Variants in AGO2 observed in about 807,000 individuals in gnomAD.
The protein encoded by AGO2 is protein argonaute-2.
A neutral mutation model predicts 102.3 loss-of-function variants in AGO2; 5 were observed. The observed-to-expected ratio is 0.05, with a 90% CI of 0.03 to 0.10. The LOEUF (loss-of-function observed/expected upper bound fraction) is 0.10, where lower values mean the gene tolerates loss of function less well. AGO2 is among the 10% of genes least tolerant of loss of function. The pLI, the probability that AGO2 is intolerant of heterozygous loss-of-function variation, is 1.00. For missense variants in AGO2, 541 were observed against 1,183.7 expected, an observed-to-expected ratio of 0.46 and a Z score of 7.97; for synonymous variants, 449 against 473.1, an observed-to-expected ratio of 0.95 and a Z score of 0.66.
intron 1 of AGO2, among the ~76,000 whole-genome samples, chr8:140,631,686 C>A (rs1407897353): frequency 6.6e-6 from 1 of 152,166 alleles, no homozygotes; most frequent in Non-Finnish European, 1.5e-5. Flanking sequence ...AAGCACCCAA[C>A]TGGAAACACA....
intron 17 of AGO2, among the ~76,000 whole-genome samples, chr8:140,534,389 C>T (rs911037013): frequency 1.3e-5 from 2 of 152,232 alleles, no homozygotes; most frequent in East Asian, 3.9e-4. Flanking sequence ...ACAGAGGGCA[C>T]ACGCAGGCAG....
At chr8:140,545,763 A>C (rs3864659) in intron 13 of AGO2, among the ~76,000 whole-genome samples, 23,808 of 152,176 alleles carry the variant, frequency 0.16, 2,314 homozygotes, top group African/African-American at 0.28. Flanking sequence ...AACATCTCAA[A>C]GTCTAGATGC....
chr8:140,541,023 C>A (rs747702951), intron 15 of AGO2, 141 bp downstream of exon 15: 7 of 1,023,932 alleles, frequency 6.8e-6, no homozygotes, highest in Non-Finnish European at 9.7e-6. Context: ...CCTGGACCCC[C>A]TTCCATGGTG....
At chr8:140,585,504 T>A (rs936240835) in intron 1 of AGO2, among the ~76,000 whole-genome samples, 193 bp from the exon 2 acceptor site, 4 of 152,204 alleles carry the variant, frequency 2.6e-5, no homozygotes, top group African/African-American at 9.6e-5. Context: ...TAACAACTCA[T>A]TGGTGATCAA....
intron 1 of AGO2, among the ~76,000 whole-genome samples, 175 bp downstream of exon 1, chr8:140,635,310 C>A (rs977247037): frequency 1.1e-3 from 156 of 146,078 alleles, no homozygotes; most frequent in African/African-American, 3.7e-3. Flanking sequence ...GGCTCGGCCC[C>A]GCCGCCGCCG....
chr8:140,531,789 C>T lies in AGO2; in HGVS notation c.*255G>A, dbSNP rs1060832. 0.13 allele frequency: 50,492 copies of T among 377,238 alleles called. 4,272 individuals carry two copies. Among genetic ancestry groups the T allele is most frequent in the African/African-American group, 0.29 (14,021 of 48,760 alleles). 23.4% of individuals were successfully genotyped at this position (377,238 alleles called of 1,614,324 possible). A position where few individuals can be genotyped will look rare whatever the true frequency, so the allele number is the denominator to read the frequency against. On this transcript the variant is annotated 3_prime_UTR_variant, in exon 19 of 19. Transcript: ENST00000220592. Reference sequence around the variant, plus strand: ...GGAGATTTTTAGGACACACGGGACTCTGTTTTAATAAGCAGCTTATAGATT... The same window carrying T: ...GGAGATTTTTAGGACACACGGGACTTTGTTTTAATAAGCAGCTTATAGATT...
intron 1 of AGO2, among the ~76,000 whole-genome samples, chr8:140,615,893 C>A (rs1388372637): frequency 2.0e-5 from 3 of 152,190 alleles, no homozygotes; most frequent in African/African-American, 7.2e-5. Context: ...AACAATGGGA[C>A]CAAATACCTG....
At position 140,551,288 on chromosome 8, in the gene AGO2, C is replaced by T. The variant is rs1014315512; in HGVS notation, c.1403+15G>A. The T allele has an allele frequency of 2.7e-6, 4 of 1,508,060 alleles. No homozygotes were observed. The highest frequency in any genetic ancestry group is 3.6e-6 in the Non-Finnish European group (4 of 1,118,354). 93.4% of individuals were successfully genotyped at this position (1,508,060 alleles called of 1,614,324 possible). ...AGCACCCCCAGGCCGGAGCCTCTGC[C>T]TGTGGGGGGCTTACTTCAGATGGAC... On this transcript the variant is annotated intron_variant, in intron 11 of 18. Coordinates refer to ENST00000220592, the MANE Select transcript of AGO2 (RefSeq NM_012154.5).
chr8:140,558,357 T>A, intron 7 of AGO2, 128 bp downstream of exon 7: 1 of 971,140 alleles, frequency 1.0e-6, no homozygotes, highest in Non-Finnish European at 1.6e-6. Flanking sequence ...GGGACAATTT[T>A]GGGATTGAAA....
chr8:140,553,873 ATTT>A (rs1205674044), intron 10 of AGO2, among the ~76,000 whole-genome samples: 1 of 149,010 alleles, frequency 6.7e-6, no homozygotes, highest in East Asian at 2.0e-4. Context: ...TAATTTTTGT[ATTT>A]TTTAGTAGAG....
Position 140,572,827 on chromosome 8 carries a change from C to A in AGO2, c.321G>T (p.Pro107=), listed in dbSNP as rs201468982. The A allele has an allele frequency of 2.8e-5, 45 of 1,612,424 alleles. No individual in the cohort carries two copies. The highest frequency in any genetic ancestry group is 3.1e-5 in the Non-Finnish European group (36 of 1,179,574). Residue 107 remains proline, a synonymous_variant, in exon 3 of 19, where the codon CCG becomes CCT. Coordinates refer to ENST00000220592, the MANE Select transcript of AGO2 (RefSeq NM_012154.5). ...GCGAGCTTACCTTGTCCCTCCCAAT[C>A]GGAAGGGGCATGGCTGTGTATAGAT... ...RKNLYTAMPL[P]IGRDKVELEV...
rs1304737274 is a variant in AGO2 at position 140,546,298 on chromosome 8, C to G, written c.1748+1170G>C. ...GGACTGTTTCTGGGTGCGTGTAACT[C>G]GGTAGCTCTCAAAACCTGGTCCCCC... On this transcript the variant is annotated intron_variant, in intron 13 of 18. Coordinates refer to ENST00000220592, the MANE Select transcript of AGO2 (RefSeq NM_012154.5). Among the ~76,000 whole-genome samples the G allele has an allele frequency of 2.6e-5, 4 of 152,220 alleles. 1 individual carries two copies. In the South Asian group the frequency reaches 8.3e-4, roughly 31 times the overall value.
At chr8:140,616,885 ACAT>A in intron 1 of AGO2, among the ~76,000 whole-genome samples, 1 of 152,348 alleles carries the variant, frequency 6.6e-6, no homozygotes, top group East Asian at 1.9e-4. Context: ...AAAGAGACAC[ACAT>A]CAGCACTGAC....
At chr8:140,532,281 G>A (rs534707056) in intron 18 of AGO2, 129 bp from the exon 19 acceptor site, 37 of 1,373,774 alleles carry the variant, frequency 2.7e-5, no homozygotes, top group African/African-American at 2.1e-4. Flanking sequence ...GCTGACGGCC[G>A]TGCCATTAAC....
intron 1 of AGO2, among the ~76,000 whole-genome samples, chr8:140,603,817 T>C (rs180971426): frequency 1.6e-3 from 247 of 152,352 alleles, no homozygotes; most frequent in African/African-American, 5.7e-3. Flanking sequence ...CCTGCAACTG[T>C]GCGGCCTCTT....
In AGO2 at chr8:140,557,395, A is replaced by G. The variant is rs1399877685; in HGVS notation, c.879-159T>C. Among the ~76,000 whole-genome samples the G allele has an allele frequency of 6.6e-6, 1 of 152,134 alleles. No homozygotes were observed. Among genetic ancestry groups the G allele is most frequent in the African/African-American group, 2.4e-5 (1 of 41,418 alleles). ...ATGTCATGTGCTTTGGGTTATCTGG[A>G]ATGTTTCTGAGCCCCTAAATTCTCA... On this transcript the variant is annotated intron_variant, in intron 7 of 18. Transcript: ENST00000220592. The surrounding 1 kb of genome is among the most constrained non-coding windows in gnomAD (Gnocchi z 5.9).
At chr8:140,553,397 G>GTTT (rs1247887588) in intron 10 of AGO2, among the ~76,000 whole-genome samples, 4 of 129,682 alleles carry the variant, frequency 3.1e-5, no homozygotes, top group South Asian at 2.4e-4. Context: ...CAAGTTACAA[G>GTTT]TTTTTTGTTT....
At chr8:140,532,308 C>T (rs148667039) in intron 18 of AGO2, 108 bp downstream of exon 18, 93 of 1,434,544 alleles carry the variant, frequency 6.5e-5, no homozygotes, top group Middle Eastern at 2.5e-4. Flanking sequence ...TCTGGGGTGC[C>T]GGCTCCAGCC....
At chr8:140,601,977 G>A (rs751442909) in intron 1 of AGO2, among the ~76,000 whole-genome samples, 118 of 152,096 alleles carry the variant, frequency 7.8e-4, no homozygotes, top group Non-Finnish European at 1.4e-3. Context: ...CTGAATAGCT[G>A]CATGGAGCAG....
Sources: gnomAD v4.1 joint callset for allele counts (sites outside exome capture counted in the v4.1 genomes callset) on GRCh38, gnomAD v4.1.1 for gene constraint, Gnocchi (gnomAD v3.1) non-coding constraint, MANE v1.5 for transcripts, NCBI Gene and HGNC (gene_info 2026-07-23, HGNC 2026-07-21) for gene names.